Variants in CES5A observed in about 807,000 individuals in gnomAD.
CES5A encodes the protein carboxylesterase 5.
Under a neutral mutation model 62.9 loss-of-function variants are expected in CES5A, and 67 were observed. The observed-to-expected ratio is 1.07, with a 90% CI of 0.88 to 1.31. The LOEUF is 1.31. CES5A is among the 50% of genes most tolerant of loss of function. The probability of loss-of-function intolerance (pLI) is 0.00; values close to 1 mark genes in which losing one functional copy is unlikely to be tolerated. For missense variants in CES5A, 748 were observed against 708.5 expected (o/e 1.06, Z -0.63); for synonymous variants, 296 against 280.8 (o/e 1.05, Z -0.54).
intron 3 of CES5A, 141 bp from the exon 4 acceptor site, chr16:55,869,885 G>A: frequency 1.6e-6 from 2 of 1,230,296 alleles, no homozygotes; most frequent in Non-Finnish European, 2.2e-6. Flanking sequence ...TTTGAAGAAG[G>A]CCCAGGGTTA....
chr16:55,866,371 A>T (rs2033460416), intron 4 of CES5A, among the ~76,000 whole-genome samples: 1 of 152,184 alleles, frequency 6.6e-6, no homozygotes, highest in Non-Finnish European at 1.5e-5. Context: ...AAGTATTCAC[A>T]GGTTCCTCAG....
chr16:55,868,855 G>T (rs1267770035), intron 4 of CES5A, among the ~76,000 whole-genome samples: 3 of 152,318 alleles, frequency 2.0e-5, no homozygotes, highest in South Asian at 2.1e-4. Context: ...GCCTCTCTGG[G>T]CCTCCATTTT....
intron 1 of CES5A, among the ~76,000 whole-genome samples, chr16:55,911,267 A>C (rs1353842841): frequency 6.6e-6 from 1 of 152,198 alleles, no homozygotes; most frequent in Non-Finnish European, 1.5e-5. Context: ...ATACTCAGGG[A>C]AGCAATTTTC....
intron 2 of CES5A, among the ~76,000 whole-genome samples, chr16:55,945,607 T>C (rs996358051): frequency 2.0e-5 from 3 of 152,226 alleles, no homozygotes; most frequent in Admixed American, 2.0e-4. Flanking sequence ...TGGGACTCAA[T>C]TTATTCACCT....
At position 55,869,131 on chromosome 16, in the gene CES5A, G is replaced by A. The variant is rs117648318; in HGVS notation, c.551+480C>T. Among the ~76,000 whole-genome samples, 332 of 152,326 alleles carry A rather than the reference G, an allele frequency of 2.2e-3. 12 individuals carry two copies. The South Asian group carries it at 0.035, about 16-fold the overall frequency. ...CCTGTTCTTCCAGGGCACACAGTGG[G>A]GCTACATGGCCCCAGCTCGCTTGCA... On this transcript the variant is annotated intron_variant, in intron 4 of 12. Transcript: ENST00000290567.
chr16:55,941,078 T>C (rs2034440648), intron 2 of CES5A, among the ~76,000 whole-genome samples: 1 of 152,040 alleles, frequency 6.6e-6, no homozygotes, highest in Non-Finnish European at 1.5e-5. Context: ...GTTTTTCTTA[T>C]CAGATTGGGA....
At chr16:55,890,637 A>G (rs2033867083) in intron 1 of CES5A, among the ~76,000 whole-genome samples, 1 of 152,202 alleles carries the variant, frequency 6.6e-6, no homozygotes, top group Non-Finnish European at 1.5e-5. Context: ...TTAAAATACT[A>G]GCAATTCAAA....
chr16:55,908,389 C>T (rs1231015286), intron 1 of CES5A, among the ~76,000 whole-genome samples: 2 of 151,858 alleles, frequency 1.3e-5, no homozygotes, highest in Non-Finnish European at 2.9e-5. Context: ...GATGGAGTTT[C>T]GCTCTTGTTG....
In CES5A at chr16:55,874,108, G is replaced by T; in HGVS notation, c.74-71C>A. ...AGGGCAATGGCCCACCCAGTCTGGA[G>T]CTCCCCAGTGGGGATGTGCTTCCTT... On this transcript the variant is annotated intron_variant, in intron 1 of 12. Coordinates refer to ENST00000290567, the MANE Select transcript of CES5A (RefSeq NM_001143685.2). 5.1e-6 allele frequency: 7 copies of T among 1,369,784 alleles called. No individual in the cohort carries two copies. In the South Asian group the frequency reaches 7.6e-5, roughly 15 times the overall value. The allele number at this position is 1,369,784 out of a possible 1,614,324, so 84.9% of individuals were successfully genotyped here. A position where few individuals can be genotyped will look rare whatever the true frequency, so the allele number is the denominator to read the frequency against.
intron 6 of CES5A, among the ~76,000 whole-genome samples, chr16:55,862,693 T>A (rs6499794): frequency 0.26 from 39,444 of 152,150 alleles, 5,901 homozygotes; most frequent in African/African-American, 0.41. Flanking sequence ...AAAAATGATT[T>A]ATACTCAAGA....
chr16:55,892,419 G>T (rs2142433962), intron 1 of CES5A, among the ~76,000 whole-genome samples: 1 of 152,214 alleles, frequency 6.6e-6, no homozygotes, highest in East Asian at 1.9e-4. Flanking sequence ...CCTGAGGGCT[G>T]TGTCACAGGC....
chr16:55,928,318 C>T (rs774993715), upstream of CES5A, among the ~76,000 whole-genome samples: 5 of 152,096 alleles, frequency 3.3e-5, no homozygotes, highest in Non-Finnish European at 5.9e-5. Flanking sequence ...AACTCAGGAA[C>T]GGAAAGCCAA....
intron 4 of CES5A, 191 bp downstream of exon 4, chr16:55,869,420 T>C: frequency 1.8e-6 from 2 of 1,093,652 alleles, no homozygotes; most frequent in Non-Finnish European, 2.4e-6. Flanking sequence ...AGAAAGAGAT[T>C]TTTATTGTTT....
chr16:55,853,095 C>T (rs1258786427), intron 9 of CES5A, 67 bp from the exon 10 acceptor site: 4 of 1,525,008 alleles, frequency 2.6e-6, no homozygotes, highest in Non-Finnish European at 3.6e-6. Context: ...AAACACTCAC[C>T]TGTGCAGGTA....
chr16:55,878,982 A>T (rs779812855), upstream of CES5A, among the ~76,000 whole-genome samples: 50 of 121,646 alleles, frequency 4.1e-4, no homozygotes, highest in Non-Finnish European at 7.4e-4. Context: ...CCATTGCTGC[A>T]CCCCATCACT....
chr16:55,903,258 T>G (rs1198814762), intron 1 of CES5A, among the ~76,000 whole-genome samples: 1 of 152,208 alleles, frequency 6.6e-6, no homozygotes, highest in Non-Finnish European at 1.5e-5. Flanking sequence ...TACACCAGAC[T>G]ATGAGATCCA....
chr16:55,926,195 A>G (rs2034255944), upstream of CES5A, among the ~76,000 whole-genome samples: 1 of 152,196 alleles, frequency 6.6e-6, no homozygotes, highest in Non-Finnish European at 1.5e-5. Flanking sequence ...TGATCCTTAC[A>G]AATTATGTGA....
At chr16:55,893,791 G>A (rs903339419) in intron 1 of CES5A, among the ~76,000 whole-genome samples, 1 of 152,088 alleles carries the variant, frequency 6.6e-6, no homozygotes, top group Non-Finnish European at 1.5e-5. Context: ...CAAAGAAAGA[G>A]AACAATGTTG....
rs368829056 is a variant in CES5A, at chr16:55,869,763, C to T, written c.418-19G>A. 1 of 1,589,086 alleles carries T rather than the reference C, an allele frequency of 6.3e-7. No individual in the cohort carries two copies. Among genetic ancestry groups the T allele is most frequent in the Non-Finnish European group, 8.6e-7 (1 of 1,165,374 alleles). On this transcript the variant is annotated intron_variant, in intron 3 of 12. Transcript: ENST00000290567. ...CCAAGACCTGAGGAGGGGAGAAGAG[C>T]ATCCAGTCAGCCCACCAGGCACCAC...
Sources: allele counts gnomAD v4.1 joint callset (sites outside exome capture counted in the v4.1 genomes callset), GRCh38; gene constraint gnomAD v4.1.1; transcripts MANE v1.5; gene names NCBI Gene and HGNC (gene_info 2026-07-23, HGNC 2026-07-21).